COL5A2: variants seen among roughly 807,000 people sequenced by gnomAD.
The protein encoded by COL5A2 is collagen alpha-2(V) chain.
Under a neutral mutation model 208.2 loss-of-function variants are expected in COL5A2, and 23 were observed. The ratio of observed to expected loss-of-function variants is 0.11; its 90% CI spans 0.08 to 0.16. The LOEUF (loss-of-function observed/expected upper bound fraction) is 0.16, where lower values mean the gene tolerates loss of function less well. Ranked by LOEUF, COL5A2 falls within the 10% of genes least tolerant of loss-of-function variation. The pLI, the probability that COL5A2 is intolerant of heterozygous loss-of-function variation, is 1.00. For missense variants in COL5A2, 1,590 were observed against 1,956.4 expected (o/e 0.81, Z 3.53); for synonymous variants, 625 against 628.5 (o/e 0.99, Z 0.08).
intron 1 of COL5A2, among the ~76,000 whole-genome samples, chr2:189,160,828 CTT>C (rs1013116673): frequency 1.5e-5 from 2 of 132,008 alleles, no homozygotes; most frequent in Non-Finnish European, 3.2e-5. Flanking sequence ...TTTCTTTTTC[CTT>C]TTTTTTTTTT....
At chr2:189,335,654 AC>A in the COL5A2 span, among the ~76,000 whole-genome samples, 1 of 152,146 alleles carries the variant, frequency 6.6e-6, no homozygotes, top group Non-Finnish European at 1.5e-5. Context: ...TAAGCCACCT[AC>A]AAAAGGCCAC....
chr2:189,112,237 A>G (rs968794448), intron 1 of COL5A2, among the ~76,000 whole-genome samples: 2 of 152,218 alleles, frequency 1.3e-5, no homozygotes, highest in Non-Finnish European at 2.9e-5. Flanking sequence ...GATATAATGA[A>G]TGAATCTAAA....
intron 1 of COL5A2, among the ~76,000 whole-genome samples, chr2:189,204,844 A>C (rs2105861131): frequency 6.6e-6 from 1 of 152,238 alleles, no homozygotes; most frequent in East Asian, 1.9e-4. Context: ...GGAATGGTGG[A>C]GTGAGAAGTG....
chr2:189,394,789 A>G, the COL5A2 span, among the ~76,000 whole-genome samples: 1 of 152,216 alleles, frequency 6.6e-6, no homozygotes, highest in Non-Finnish European at 1.5e-5. Context: ...ATACAATAAA[A>G]TGAGGTAAAC....
At chr2:189,064,770 C>G (rs980567492) in intron 24 of COL5A2, 115 bp from the exon 25 acceptor site, 1 of 869,444 alleles carries the variant, frequency 1.2e-6, no homozygotes, top group African/African-American at 1.7e-5. Flanking sequence ...CAAATCAAGG[C>G]ACTGATATAA....
intron 1 of COL5A2, among the ~76,000 whole-genome samples, chr2:189,116,811 C>G (rs1455954578): frequency 6.6e-6 from 1 of 152,042 alleles, no homozygotes; most frequent in Non-Finnish European, 1.5e-5. Flanking sequence ...AATTTTTGTT[C>G]CACTAAGGAC....
intron 7 of COL5A2, among the ~76,000 whole-genome samples, chr2:189,089,128 C>T (rs1170379697): frequency 6.6e-6 from 1 of 152,140 alleles, no homozygotes; most frequent in Non-Finnish European, 1.5e-5. Flanking sequence ...GTTAGAGATG[C>T]CAAACATCTA....
At chr2:189,351,100 C>T in the COL5A2 span, among the ~76,000 whole-genome samples, 1 of 152,140 alleles carries the variant, frequency 6.6e-6, no homozygotes, top group African/African-American at 2.4e-5. Context: ...TAGGAGTCTC[C>T]TTCACTCTCT....
chr2:189,275,043 T>C, the COL5A2 span, among the ~76,000 whole-genome samples: 1 of 152,122 alleles, frequency 6.6e-6, no homozygotes, highest in Non-Finnish European at 1.5e-5. Context: ...GAAAAAAGGA[T>C]CCTTAACTGG....
chr2:189,306,207 G>A, the COL5A2 span, among the ~76,000 whole-genome samples: 2 of 152,126 alleles, frequency 1.3e-5, no homozygotes, highest in East Asian at 1.9e-4. Context: ...AATCAGGGAG[G>A]GAAGCAAGGG....
chr2:189,095,922 G>A (rs1204586701), intron 6 of COL5A2: 2 of 151,950 alleles, frequency 1.3e-5, no homozygotes, highest in East Asian at 1.9e-4. Context: ...GTGAAGAATG[G>A]GGCATATAAT....
intron 6 of COL5A2, 127 bp from the exon 7 acceptor site, chr2:189,092,547 C>G (rs1559100118): frequency 1.4e-6 from 1 of 713,022 alleles, no homozygotes; most frequent in South Asian, 1.5e-5. Flanking sequence ...AATCTAGCCA[C>G]TTAGAGTAAT....
intron 1 of COL5A2, among the ~76,000 whole-genome samples, chr2:189,222,655 G>A (rs544526524): frequency 6.6e-6 from 1 of 152,182 alleles, no homozygotes; most frequent in South Asian, 2.1e-4. Context: ...GAGAAACTAG[G>A]CTGGGCACTT....
rs1233419930 is a variant in COL5A2 at position 189,052,820 on chromosome 2, A to T, written c.2662-18T>A. The stretch of plus-strand genomic sequence containing the variant: ...TTAGGACCCTGAATAGAAACAAACA[A>T]AAGAGCACTATAGTGAAGCAAAAGA... On this transcript the variant is annotated intron_variant, in intron 39 of 53. Transcript: ENST00000374866. 6.2e-7 allele frequency: 1 copy of T among 1,614,060 alleles called. No individual in the cohort carries two copies. The highest frequency in any genetic ancestry group is 8.5e-7 in the Non-Finnish European group (1 of 1,179,942).
At chr2:189,387,826 G>A in the COL5A2 span, among the ~76,000 whole-genome samples, 1 of 152,138 alleles carries the variant, frequency 6.6e-6, no homozygotes, top group Non-Finnish European at 1.5e-5. Flanking sequence ...TAATCTTATA[G>A]AAAGATGGGG....
chr2:189,163,141 C>T (rs1406864695), intron 1 of COL5A2, among the ~76,000 whole-genome samples: 1 of 152,102 alleles, frequency 6.6e-6, no homozygotes, highest in East Asian at 1.9e-4. Flanking sequence ...TCTCTCTCGC[C>T]CCATTATTCT....
At chr2:189,145,178 C>G (rs1688013739) in intron 1 of COL5A2, among the ~76,000 whole-genome samples, 1 of 152,104 alleles carries the variant, frequency 6.6e-6, no homozygotes. Context: ...TGTGAGAACA[C>G]AGAAGGATTC....
intron 4 of COL5A2, 68 bp from the exon 5 acceptor site, chr2:189,098,827 C>A: frequency 1.7e-6 from 2 of 1,149,594 alleles, no homozygotes; most frequent in South Asian, 2.5e-5. Flanking sequence ...TCAATAGTAA[C>A]AAATAAGAAT....
At chr2:189,280,642 C>G in the COL5A2 span, among the ~76,000 whole-genome samples, 1 of 152,062 alleles carries the variant, frequency 6.6e-6, no homozygotes, top group Admixed American at 6.6e-5. Context: ...TTGTATCAAT[C>G]AATTCTGTAT....
Sources: allele counts gnomAD v4.1 joint callset (sites outside exome capture counted in the v4.1 genomes callset), GRCh38; gene constraint gnomAD v4.1.1; transcripts MANE v1.5; gene names NCBI Gene and HGNC (gene_info 2026-07-23, HGNC 2026-07-21).